The following PSD3 variants were observed in gnomAD, a reference collection of about 807,000 sequenced individuals.
The protein encoded by PSD3 is pleckstrin and Sec7 domain containing 3, also known as PH and SEC7 domain-containing protein 3.
In PSD3, 49 loss-of-function variants were observed where a neutral mutation model predicts 105.5. The ratio of observed to expected loss-of-function variants is 0.46; its 90% CI spans 0.37 to 0.59. The LOEUF (loss-of-function observed/expected upper bound fraction) is 0.59, where lower values mean the gene tolerates loss of function less well. Among genes scored for constraint, PSD3 ranks in the 20% least tolerant of loss-of-function variants. The pLI is 0.00. For synonymous variants in PSD3, 557 were observed against 457.8 expected (o/e 1.22, Z -2.77); for missense variants, 1,561 against 1,263.8 (o/e 1.24, Z -3.57).
In PSD3 at chr8:18,532,206, A is replaced by T. The variant is rs1334194379; in HGVS notation, c.*3537T>A. 1 of 152,240 alleles carries T rather than the reference A, an allele frequency of 6.6e-6. No homozygotes were observed. The highest frequency in any genetic ancestry group is 1.5e-5 in the Non-Finnish European group (1 of 68,054). 9.4% of individuals were successfully genotyped at this position (152,240 alleles called of 1,614,324 possible). A position where few individuals can be genotyped will look rare whatever the true frequency, so the allele number is the denominator to read the frequency against. On this transcript the variant is annotated 3_prime_UTR_variant, in exon 16 of 16. Coordinates refer to ENST00000327040, the MANE Select transcript of PSD3 (RefSeq NM_015310.4). ...TGATAGAGGGAGCAATAGGCAAAGG[A>T]CAGTAGAAAAGCTCAGTGTAACTTT...
chr8:18,644,426 G>C (rs1807880135), intron 10 of PSD3, among the ~76,000 whole-genome samples: 1 of 152,068 alleles, frequency 6.6e-6, no homozygotes, highest in African/African-American at 2.4e-5. Flanking sequence ...AAAGCCCTTG[G>C]ACAAGAATAC....
At chr8:18,674,666 A>G (rs962267266) in intron 9 of PSD3, among the ~76,000 whole-genome samples, 1 of 152,208 alleles carries the variant, frequency 6.6e-6, no homozygotes, top group African/African-American at 2.4e-5. Context: ...TAGTAAGAGT[A>G]TTCCAAATGG....
At chr8:19,055,804 G>C (rs1477412563) in intron 1 of PSD3, among the ~76,000 whole-genome samples, 1 of 152,190 alleles carries the variant, frequency 6.6e-6, no homozygotes. Context: ...TCTTGGCAGT[G>C]ATTCCTTTTC....
intron 11 of PSD3, among the ~76,000 whole-genome samples, chr8:18,607,790 G>C (rs1416533169): frequency 1.3e-5 from 2 of 151,806 alleles, no homozygotes; most frequent in Non-Finnish European, 2.9e-5. Context: ...AAAGGGAAGA[G>C]GTTTAACTGA....
intron 15 of PSD3, among the ~76,000 whole-genome samples, chr8:18,549,149 C>A (rs1800615998): frequency 6.8e-6 from 1 of 146,636 alleles, no homozygotes; most frequent in Non-Finnish European, 1.5e-5. Context: ...AACTGTTCTT[C>A]TTATACTCAT....
chr8:18,743,704 G>A (rs1035290676), intron 9 of PSD3, among the ~76,000 whole-genome samples: 3 of 151,392 alleles, frequency 2.0e-5, no homozygotes, highest in Admixed American at 6.6e-5. Context: ...TTGGGAGGCC[G>A]AGGGGGAAGA....
chr8:18,951,596 G>A (rs970047681), intron 1 of PSD3, among the ~76,000 whole-genome samples: 1 of 152,140 alleles, frequency 6.6e-6, no homozygotes, highest in Non-Finnish European at 1.5e-5. Flanking sequence ...TGTTAACATT[G>A]TTAGTTGCTT....
At chr8:18,558,016 T>C (rs1290104011) in intron 14 of PSD3, among the ~76,000 whole-genome samples, 1 of 152,176 alleles carries the variant, frequency 6.6e-6, no homozygotes, top group Non-Finnish European at 1.5e-5. Flanking sequence ...AGACACTGTG[T>C]GCAAGCACCA....
chr8:18,963,288 G>A (rs1272646873), intron 1 of PSD3, among the ~76,000 whole-genome samples: 1 of 152,102 alleles, frequency 6.6e-6, no homozygotes, highest in Non-Finnish European at 1.5e-5. Flanking sequence ...GGGACACAGA[G>A]CCAAACCATA....
At chr8:18,704,714 T>A (rs1020126042) in intron 9 of PSD3, among the ~76,000 whole-genome samples, 7 of 152,210 alleles carry the variant, frequency 4.6e-5, no homozygotes, top group Non-Finnish European at 8.8e-5. Flanking sequence ...TCTAGTTCTA[T>A]TGCTTTGTTC....
At chr8:18,624,003 T>C (rs557260867) in intron 11 of PSD3, among the ~76,000 whole-genome samples, 16 of 152,326 alleles carry the variant, frequency 1.1e-4, no homozygotes, top group Non-Finnish European at 1.9e-4. Context: ...TTTTCAATTA[T>C]ATGGATATAC....
intron 10 of PSD3, among the ~76,000 whole-genome samples, chr8:18,640,529 C>T (rs760885110): frequency 5.9e-5 from 9 of 152,166 alleles, no homozygotes; most frequent in Non-Finnish European, 1.2e-4. Context: ...CCTTCACCTT[C>T]ACTTGGCTCT....
intron 4 of PSD3, among the ~76,000 whole-genome samples, chr8:18,862,597 T>G (rs994266708): frequency 2.0e-5 from 3 of 152,042 alleles, no homozygotes; most frequent in Admixed American, 6.5e-5. Context: ...GGCAGCCAGA[T>G]CTCTCCAATT....
intron 8 of PSD3, among the ~76,000 whole-genome samples, chr8:18,783,918 C>T (rs761233226): frequency 2.6e-5 from 4 of 152,322 alleles, no homozygotes; most frequent in East Asian, 1.9e-4. Flanking sequence ...TGAGCCACTG[C>T]AACCGGCCAA....
intron 9 of PSD3, among the ~76,000 whole-genome samples, chr8:18,710,392 GGGAACAGAACCAGGTT>G (rs1802179009): frequency 6.6e-6 from 1 of 152,086 alleles, no homozygotes; most frequent in Non-Finnish European, 1.5e-5. Flanking sequence ...AAGAGACAGG[GGGAACAGAACCAGGTT>G]GGAAAACATA....
intron 1 of PSD3, among the ~76,000 whole-genome samples, chr8:19,060,733 T>A (rs920603893): frequency 6.6e-6 from 1 of 152,218 alleles, no homozygotes; most frequent in African/African-American, 2.4e-5. Flanking sequence ...CTGTTATACC[T>A]GTTTTCCACT....
chr8:18,561,481 G>A (rs112871431), intron 14 of PSD3, among the ~76,000 whole-genome samples: 93 of 152,030 alleles, frequency 6.1e-4, no homozygotes, highest in Non-Finnish European at 9.4e-4. Flanking sequence ...AAGGGACTGG[G>A]GACATGCTGG....
At chr8:18,722,761 C>A (rs923018953) in intron 9 of PSD3, among the ~76,000 whole-genome samples, 1 of 152,168 alleles carries the variant, frequency 6.6e-6, no homozygotes, top group Admixed American at 6.5e-5. Context: ...CTGACCAGCG[C>A]CCCCTTCCAT....
intron 10 of PSD3, among the ~76,000 whole-genome samples, chr8:18,648,168 T>G (rs1156816876): frequency 6.6e-6 from 1 of 152,178 alleles, no homozygotes; most frequent in African/African-American, 2.4e-5. Context: ...CTTTGGGAAC[T>G]GGGTAATGGG....
Sources: gnomAD v4.1 joint callset for allele counts (sites outside exome capture counted in the v4.1 genomes callset) on GRCh38, gnomAD v4.1.1 for gene constraint, MANE v1.5 for transcripts, NCBI Gene and HGNC (gene_info 2026-07-23, HGNC 2026-07-21) for gene names.